DAB2: variants seen among roughly 807,000 people sequenced by gnomAD.
DAB2 encodes the protein disabled homolog 2.
DAB2 carries 28 observed loss-of-function variants against 71.6 expected under a neutral mutation model. The observed-to-expected ratio is 0.39, with a 90% confidence interval of 0.29 to 0.54. The LOEUF (loss-of-function observed/expected upper bound fraction) is 0.54, where lower values mean the gene tolerates loss of function less well. Ranked by LOEUF, DAB2 falls within the 20% of genes least tolerant of loss-of-function variation. The probability of loss-of-function intolerance (pLI) is 0.68; values close to 1 mark genes in which losing one functional copy is unlikely to be tolerated. For missense variants in DAB2, 867 were observed against 928.8 expected (o/e 0.93, Z 0.86); for synonymous variants, 345 against 339.7 (o/e 1.02, Z -0.17).
At chr5:39,417,353 T>A (rs1755872106) in intron 1 of DAB2, 1 of 152,078 alleles carries the variant, frequency 6.6e-6, no homozygotes, top group South Asian at 2.1e-4. Flanking sequence ...GTATAATTCA[T>A]CCCTACTTTT....
chr5:39,375,038 A>G lies in DAB2; in HGVS notation c.2294T>C (p.Phe765Ser), dbSNP rs1754790489. The change falls in exon 14 of 15, where the codon TTT becomes TCT. Residue 765 changes from phenylalanine to serine, a missense_variant. Physicochemically the swap from Phe to Ser is radical, Grantham distance 155. Coordinates refer to ENST00000320816, the MANE Select transcript of DAB2 (RefSeq NM_001343.4). ...PVSSEMYRDP[F>S]GNPFA ...CAGAATTTAGGCAAAAGGATTTCCAAATGGATCCCTATACATCTCAGAAGA... is the reference window on the plus strand; with the variant it reads ...CAGAATTTAGGCAAAAGGATTTCCAGATGGATCCCTATACATCTCAGAAGA... The G allele has an allele frequency of 6.2e-7, 1 of 1,611,692 alleles. No homozygotes were observed. The highest frequency in any genetic ancestry group is 8.5e-7 in the Non-Finnish European group (1 of 1,178,466).
At chr5:39,414,002 A>G (rs531590725) in intron 1 of DAB2, among the ~76,000 whole-genome samples, 1 of 152,312 alleles carries the variant, frequency 6.6e-6, no homozygotes, top group South Asian at 2.1e-4. Context: ...CATCTTAGGC[A>G]TCATTAAATG....
intron 1 of DAB2, among the ~76,000 whole-genome samples, chr5:39,401,192 CTAT>C (rs1299456499): frequency 6.6e-6 from 1 of 152,182 alleles, no homozygotes; most frequent in Non-Finnish European, 1.5e-5. Context: ...AGGAATGAGA[CTAT>C]GCTAATGCAT....
Position 39,375,024 on chromosome 5 carries a change from C to T in DAB2, c.2308G>A (p.Ala770Thr). The T allele has an allele frequency of 6.2e-7, 1 of 1,609,236 alleles. No individual in the cohort carries two copies. Residue 770 changes from alanine to threonine, a missense_variant, in exon 14 of 15, where the codon GCC (alanine) becomes ACC (threonine). Ala to Thr is a moderately conservative substitution (Grantham distance 58). This residue lies in a region of DAB2 where 740 missense variants were observed against 734.3 expected (regional missense o/e 1.01). Transcript: ENST00000320816. Reference sequence around the variant, plus strand: ...GGATCTTCTACTTACAGAATTTAGGCAAAAGGATTTCCAAATGGATCCCTA... The same window carrying T: ...GGATCTTCTACTTACAGAATTTAGGTAAAAGGATTTCCAAATGGATCCCTA... ...MYRDPFGNPF[A>T] is the part of the protein sequence containing the mutation.
intron 10 of DAB2, among the ~76,000 whole-genome samples, 165 bp from the exon 11 acceptor site, chr5:39,381,781 C>CA (rs905945032): frequency 6.6e-5 from 10 of 152,066 alleles, no homozygotes; most frequent in African/African-American, 1.9e-4. Context: ...AAGAGTCCTC[C>CA]AAAAAAAGAC....
At chr5:39,374,540 C>T (rs978589288) in intron 14 of DAB2, among the ~76,000 whole-genome samples, 44 of 152,186 alleles carry the variant, frequency 2.9e-4, no homozygotes, top group African/African-American at 9.9e-4. Flanking sequence ...CTCTTTCAGA[C>T]TAACTTTGAG....
At chr5:39,401,957 A>G (rs1349874995) in intron 1 of DAB2, among the ~76,000 whole-genome samples, 1 of 152,036 alleles carries the variant, frequency 6.6e-6, no homozygotes, top group East Asian at 1.9e-4. Flanking sequence ...TTATAAAGAA[A>G]AAGAGGTTTA....
chr5:39,389,072 A>T, intron 7 of DAB2, 25 bp downstream of exon 7: 1 of 1,610,962 alleles, frequency 6.2e-7, no homozygotes, highest in Non-Finnish European at 8.5e-7. Flanking sequence ...CACATGATTA[A>T]CAAGAAGTAA....
Position 39,375,728 on chromosome 5 carries a change from A to G in DAB2, c.2247+269T>C, listed in dbSNP as rs149394568. 4.8e-3 allele frequency among the ~76,000 whole-genome samples: 737 copies of G among 152,236 alleles called. 8 individuals carry two copies. The highest frequency in any genetic ancestry group is 0.017 in the African/African-American group (707 of 41,534). On this transcript the variant is annotated intron_variant, in intron 13 of 14. Coordinates refer to ENST00000320816, the MANE Select transcript of DAB2 (RefSeq NM_001343.4). ...GGCGAGACCCCATCTCTACAAAAAA[A>G]TACAAAAATTAGCCAGGTGTGGTGG...
In DAB2 at chr5:39,395,937, CTTTTTTT is replaced by C. The variant is rs3024228; in HGVS notation, c.-101-1523_-101-1517del. On this transcript the variant is annotated intron_variant, in intron 1 of 14. Coordinates refer to ENST00000320816, the MANE Select transcript of DAB2 (RefSeq NM_001343.4). ...GAGGGAAGGCTAAGACACAGATATT[CTTTTTTT>C]TTTTTTTTTTTTTTTTGAGACGGAG... 1.3e-3 allele frequency among the ~76,000 whole-genome samples: 97 copies of C among 74,854 alleles called. 8 individuals are homozygous for C. The South Asian group carries it at 0.042, about 32-fold the overall frequency. 49.1% of individuals were successfully genotyped at this position (74,854 alleles called of 152,430 possible). A position where few individuals can be genotyped will look rare whatever the true frequency, so the allele number is the denominator to read the frequency against.
chr5:39,382,744 T>C lies in DAB2; in HGVS notation c.1215A>G (p.Gly405=), dbSNP rs752692541. The C allele has an allele frequency of 1.2e-6, 2 of 1,614,130 alleles. No individual in the cohort carries two copies. Among genetic ancestry groups the C allele is most frequent in the East Asian group, 4.5e-5 (2 of 44,874 alleles). ...GCTTTACGCCATTCTGTATGGACAG[T>C]CCTTTGGGAGGGCTTCCCACAAAAG... ...PNPFVGSPPK[G]LSIQNGVKQD... is the part of the protein sequence containing the mutation. Residue 405 remains glycine (G), a synonymous_variant, in exon 10 of 15, where the codon GGA becomes GGG. Transcript: ENST00000320816.
At position 39,382,726 on chromosome 5, in the gene DAB2, G is replaced by A. The variant is rs199577131; in HGVS notation, c.1233C>T (p.Gly411=). The change falls in exon 10 of 15, where the codon GGC becomes GGT. Residue 411 remains glycine, a synonymous_variant. Transcript: ENST00000320816. ...CAGAGCTTTCCAAGTCCTGCTTTACGCCATTCTGTATGGACAGTCCTTTGG... is the reference window on the plus strand; with the variant it reads ...CAGAGCTTTCCAAGTCCTGCTTTACACCATTCTGTATGGACAGTCCTTTGG... ...SPPKGLSIQN[G]VKQDLESSVQ... is the part of the protein sequence containing the mutation. The A allele has an allele frequency of 8.7e-6, 14 of 1,614,166 alleles. No individual in the cohort carries two copies. The highest frequency in any genetic ancestry group is 2.2e-5 in the East Asian group (1 of 44,880).
chr5:39,412,590 T>C (rs965818927), intron 1 of DAB2, among the ~76,000 whole-genome samples: 1 of 151,908 alleles, frequency 6.6e-6, no homozygotes, highest in Non-Finnish European at 1.5e-5. Context: ...GAAAGGAGAG[T>C]AGAGGAAAAT....
chr5:39,379,725 C>T (rs369855826), intron 11 of DAB2, among the ~76,000 whole-genome samples: 1 of 151,822 alleles, frequency 6.6e-6, no homozygotes, highest in East Asian at 1.9e-4. Flanking sequence ...CTCTCCCCAC[C>T]CCCCCAGTTC....
chr5:39,405,673 A>G (rs1428592699), intron 1 of DAB2, among the ~76,000 whole-genome samples: 1 of 152,216 alleles, frequency 6.6e-6, no homozygotes, highest in African/African-American at 2.4e-5. Context: ...AGAGCTCTGT[A>G]TTTGGAGGTT....
chr5:39,405,409 T>C (rs1755589052), intron 1 of DAB2, among the ~76,000 whole-genome samples: 5 of 152,228 alleles, frequency 3.3e-5, no homozygotes, highest in Admixed American at 3.3e-4. Flanking sequence ...AACTCACTTC[T>C]ACAAAGGAAA....
At chr5:39,396,423 C>T (rs1252592518) in intron 1 of DAB2, among the ~76,000 whole-genome samples, 1 of 152,214 alleles carries the variant, frequency 6.6e-6, no homozygotes, top group Admixed American at 6.5e-5. Flanking sequence ...TCTGCCCACA[C>T]ACTGGACTAT....
At chr5:39,414,194 C>G (rs984963836) in intron 1 of DAB2, among the ~76,000 whole-genome samples, 1 of 152,086 alleles carries the variant, frequency 6.6e-6, no homozygotes, top group African/African-American at 2.4e-5. Flanking sequence ...TCTGTGCAGA[C>G]AGTAATGAGT....
At chr5:39,386,829 G>A (rs1388693369) in intron 9 of DAB2, among the ~76,000 whole-genome samples, 1 of 152,134 alleles carries the variant, frequency 6.6e-6, no homozygotes, top group Non-Finnish European at 1.5e-5. Context: ...TTCAGATACT[G>A]ATTTATTTGA....
Sources: gnomAD v4.1 joint callset for allele counts (sites outside exome capture counted in the v4.1 genomes callset) on GRCh38, gnomAD v4.1.1 for gene constraint, gnomAD v4.1.1 regional missense constraint, MANE v1.5 for transcripts, NCBI Gene and HGNC (gene_info 2026-07-23, HGNC 2026-07-21) for gene names.